The following EBF3 variants were observed in gnomAD, a reference collection of about 807,000 sequenced individuals.
The protein encoded by EBF3 is EBF transcription factor 3, also known as transcription factor COE3.
In EBF3, 18 loss-of-function variants were observed where a neutral mutation model predicts 77.1. The ratio of observed to expected loss-of-function variants is 0.23; its 90% CI spans 0.16 to 0.35. The LOEUF (loss-of-function observed/expected upper bound fraction) is 0.35, where lower values mean the gene tolerates loss of function less well. Ranked by LOEUF, EBF3 falls within the 10% of genes least tolerant of loss-of-function variation. The pLI is 1.00. For missense variants in EBF3, 558 were observed against 860.0 expected, an observed-to-expected ratio of 0.65 and a Z score of 4.39; for synonymous variants, 350 against 343.5, an observed-to-expected ratio of 1.02 and a Z score of -0.21.
chr10:129,899,030 C>T (rs1379168985), intron 6 of EBF3, among the ~76,000 whole-genome samples: 2 of 152,146 alleles, frequency 1.3e-5, no homozygotes, highest in African/African-American at 4.8e-5. Context: ...GCGGCAGCAA[C>T]ATGTGTGCGC....
At chr10:129,880,346 C>T (rs970855674) in intron 6 of EBF3, among the ~76,000 whole-genome samples, 1 of 140,014 alleles carries the variant, frequency 7.1e-6, no homozygotes, top group Non-Finnish European at 1.7e-5. Flanking sequence ...CACACACATG[C>T]CCACAGACAC....
Position 129,957,201 on chromosome 10 carries a change from C to G in EBF3, c.554+57G>C, listed in dbSNP as rs1210756381. ...TGGAGCAACTGGAAACCAAGCAAGGCAAAACGTTTTGTTGCTGCTGCGGTT... is the reference window on the plus strand; with the variant it reads ...TGGAGCAACTGGAAACCAAGCAAGGGAAAACGTTTTGTTGCTGCTGCGGTT... On this transcript the variant is annotated intron_variant, in intron 6 of 16. Transcript: ENST00000440978. 2.0e-6 allele frequency: 3 copies of G among 1,514,420 alleles called. No individual in the cohort carries two copies. In the South Asian group the frequency reaches 3.6e-5, roughly 18 times the overall value. 93.8% of individuals were successfully genotyped at this position (1,514,420 alleles called of 1,614,324 possible).
Position 129,964,180 on chromosome 10 carries a change from C to A in EBF3, c.-412G>T, listed in dbSNP as rs1013876232. ...ATAAACGGGGCAGTGAGTGCTGCGG[C>A]GCAGTCCCGGGCGCAGGCGGGGCGC... On this transcript the variant is annotated 5_prime_UTR_variant, in exon 1 of 17. Transcript: ENST00000440978. This position sits in a 1 kb window ranked among gnomAD's most constrained non-coding sequence, Gnocchi z 4.5. 2.0e-6 allele frequency: 2 copies of A among 984,796 alleles called. No homozygotes were observed. The highest frequency in any genetic ancestry group is 1.7e-5 in the African/African-American group (1 of 57,182). 61.0% of individuals were successfully genotyped at this position (984,796 alleles called of 1,614,324 possible).
chr10:129,908,342 T>C (rs948363639), intron 6 of EBF3, among the ~76,000 whole-genome samples: 2 of 152,234 alleles, frequency 1.3e-5, no homozygotes, highest in African/African-American at 4.8e-5. Context: ...ACAATTACTA[T>C]TGGCATTCCG....
chr10:129,930,595 C>G (rs1171326260), intron 6 of EBF3, among the ~76,000 whole-genome samples: 1 of 145,682 alleles, frequency 6.9e-6, no homozygotes, highest in Non-Finnish European at 1.5e-5. Flanking sequence ...ACAAATCCCC[C>G]TCTCATATAT....
intron 6 of EBF3, among the ~76,000 whole-genome samples, chr10:129,910,692 G>A (rs1239851654): frequency 6.6e-6 from 1 of 152,000 alleles, no homozygotes; most frequent in Non-Finnish European, 1.5e-5. Context: ...AGAGCCCCAG[G>A]TATAGGATTA....
At chr10:129,948,647 T>G (rs2134551761) in intron 6 of EBF3, among the ~76,000 whole-genome samples, 1 of 150,836 alleles carries the variant, frequency 6.6e-6, no homozygotes, top group Non-Finnish European at 1.5e-5. Flanking sequence ...GGTGGGGGGA[T>G]ATGGGAACTC....
intron 6 of EBF3, among the ~76,000 whole-genome samples, chr10:129,890,733 C>T (rs1180108726): frequency 3.9e-5 from 6 of 152,304 alleles, no homozygotes; most frequent in South Asian, 2.1e-4. Context: ...AAGATTTGCC[C>T]GTTATCCCAA....
chr10:129,918,188 G>A (rs1564887577), intron 6 of EBF3, among the ~76,000 whole-genome samples: 1 of 152,206 alleles, frequency 6.6e-6, no homozygotes, highest in Non-Finnish European at 1.5e-5. Flanking sequence ...CTCCCAGCCT[G>A]GCATTTTTGA....
In EBF3 at chr10:129,944,129, TA is replaced by T. The variant is rs1449670252; in HGVS notation, c.554+13128del. Among the ~76,000 whole-genome samples, 1 of 152,178 alleles carries T rather than the reference TA, an allele frequency of 6.6e-6. No homozygotes were observed. Among genetic ancestry groups the T allele is most frequent in the Non-Finnish European group, 1.5e-5 (1 of 68,012 alleles). On this transcript the variant is annotated intron_variant, in intron 6 of 16. Coordinates refer to ENST00000440978, the MANE Select transcript of EBF3 (RefSeq NM_001375380.1). This position sits in a 1 kb window ranked among gnomAD's most constrained non-coding sequence, Gnocchi z 5.1. Reference sequence around the variant, plus strand: ...CAAGTTATTCCTGTAAAATCCTAAATAAAATGAGAATTTTATTAAAGATATT... The same window carrying T: ...CAAGTTATTCCTGTAAAATCCTAAATAAATGAGAATTTTATTAAAGATATT...
chr10:129,869,719 T>C (rs1314331293), intron 8 of EBF3, among the ~76,000 whole-genome samples: 2 of 152,210 alleles, frequency 1.3e-5, no homozygotes, highest in East Asian at 3.9e-4. Context: ...TTTGCTTTAA[T>C]GTTGGACTAG....
At chr10:129,950,714 G>A (rs572997997) in intron 6 of EBF3, among the ~76,000 whole-genome samples, 1 of 152,220 alleles carries the variant, frequency 6.6e-6, no homozygotes, top group South Asian at 2.1e-4. Context: ...TTTTATTAAA[G>A]CATGAATAAT....
Position 129,840,230 on chromosome 10 carries a change from C to G in EBF3, c.1759+15G>C. ...GAGGACCCAGCACTGGCCCACGGCCCCGCACCACCCTCACCTTGCAGTCCA... is the reference window on the plus strand; with the variant it reads ...GAGGACCCAGCACTGGCCCACGGCCGCGCACCACCCTCACCTTGCAGTCCA... On this transcript the variant is annotated intron_variant, in intron 15 of 16. Transcript: ENST00000440978. The G allele has an allele frequency of 6.5e-7, 1 of 1,549,534 alleles. No individual in the cohort carries two copies. Among genetic ancestry groups the G allele is most frequent in the Non-Finnish European group, 8.7e-7 (1 of 1,145,198 alleles).
intron 6 of EBF3, among the ~76,000 whole-genome samples, chr10:129,921,458 C>T (rs1028407562): frequency 6.6e-6 from 1 of 152,236 alleles, no homozygotes; most frequent in Non-Finnish European, 1.5e-5. Context: ...CCGGCGTCCC[C>T]TGGGCAGAGG....
intron 6 of EBF3, among the ~76,000 whole-genome samples, chr10:129,925,740 T>A (rs1856624977): frequency 6.7e-6 from 1 of 149,414 alleles, no homozygotes; most frequent in Non-Finnish European, 1.5e-5. Context: ...CTAAGAAAAT[T>A]GGAAAAAAAA....
intron 6 of EBF3, among the ~76,000 whole-genome samples, chr10:129,894,974 T>C (rs1426835347): frequency 1.3e-5 from 2 of 152,154 alleles, no homozygotes; most frequent in Non-Finnish European, 2.9e-5. Context: ...CTGGGCACCT[T>C]CTGGGGCAAG....
intron 7 of EBF3, among the ~76,000 whole-genome samples, chr10:129,876,885 A>ACGCCCCCCCCCCCCCCCC (rs1852810848): frequency 2.4e-5 from 1 of 42,368 alleles, no homozygotes; most frequent in Non-Finnish European, 4.4e-5. Flanking sequence ...TCATCCCTGA[A>ACGCCCCCCCCCCCCCCCC]CCCCCCCCCC....
In EBF3 at chr10:129,836,833, TA is replaced by T; in HGVS notation, c.*1109del. The T allele has an allele frequency of 6.5e-6, 1 of 152,680 alleles. No individual in the cohort carries two copies. Among genetic ancestry groups the T allele is most frequent in the East Asian group, 1.9e-4 (1 of 5,194 alleles). 9.5% of individuals were successfully genotyped at this position (152,680 alleles called of 1,614,324 possible). ...ATTTCAAAGATAAATACAATATTTA[TA>T]ATTGATATGTTACAAAATAAAGTCC... On this transcript the variant is annotated 3_prime_UTR_variant, in exon 17 of 17. Coordinates refer to ENST00000440978, the MANE Select transcript of EBF3 (RefSeq NM_001375380.1).
chr10:129,841,126 T>C lies in EBF3; in HGVS notation c.1373-94A>G, dbSNP rs949898514. 1.9e-5 allele frequency: 28 copies of C among 1,489,428 alleles called. No homozygotes were observed. In the Admixed American group the frequency reaches 3.5e-4, roughly 19 times the overall value. 92.3% of individuals were successfully genotyped at this position (1,489,428 alleles called of 1,614,324 possible). On this transcript the variant is annotated intron_variant, in intron 13 of 16. Coordinates refer to ENST00000440978, the MANE Select transcript of EBF3 (RefSeq NM_001375380.1). This position sits in a 1 kb window ranked among gnomAD's most constrained non-coding sequence, Gnocchi z 4.6. The stretch of plus-strand genomic sequence containing the variant: ...CGAGAATCTATATCATATATTAACA[T>C]TGCTAATTGACCCTGTGCTTTCCAC...
Sources: allele counts gnomAD v4.1 joint callset (sites outside exome capture counted in the v4.1 genomes callset), GRCh38; gene constraint gnomAD v4.1.1; non-coding constraint Gnocchi (gnomAD v3.1); transcripts MANE v1.5; gene names NCBI Gene and HGNC (gene_info 2026-07-23, HGNC 2026-07-21).